ATP9B: variants seen among roughly 807,000 people sequenced by gnomAD.
ATP9B encodes the protein ATPase phospholipid transporting 9B, also known as probable phospholipid-transporting ATPase IIB.
ATP9B carries 110 observed loss-of-function variants against 146.1 expected under a neutral mutation model. The ratio of observed to expected loss-of-function variants is 0.75; its 90% CI spans 0.65 to 0.88. The LOEUF (loss-of-function observed/expected upper bound fraction) is 0.88. ATP9B is among the 40% of genes least tolerant of loss of function. The pLI is 0.00. For missense variants in ATP9B, 1,499 were observed against 1,496.4 expected, an observed-to-expected ratio of 1.00 and a Z score of -0.03; for synonymous variants, 604 against 569.7, an observed-to-expected ratio of 1.06 and a Z score of -0.86.
chr18:79,258,451 A>T (rs2096106679), intron 12 of ATP9B, among the ~76,000 whole-genome samples: 1 of 152,166 alleles, frequency 6.6e-6, no homozygotes, highest in South Asian at 2.1e-4. Flanking sequence ...TAATAATAAT[A>T]AGAGAAGAAG....
intron 15 of ATP9B, among the ~76,000 whole-genome samples, chr18:79,327,864 C>T (rs62096811): frequency 0.19 from 3,760 of 19,518 alleles, 1,579 homozygotes; most frequent in East Asian, 0.86. Context: ...CCATGGTTAG[C>T]GTGCTCTCCA....
intron 13 of ATP9B, among the ~76,000 whole-genome samples, chr18:79,302,375 C>A (rs2096596403): frequency 6.7e-6 from 1 of 150,178 alleles, no homozygotes; most frequent in Non-Finnish European, 1.5e-5. Flanking sequence ...CGTGGCACCA[C>A]GTTGTGAAAT....
chr18:79,109,831 G>T (rs1440141830), intron 2 of ATP9B, among the ~76,000 whole-genome samples: 2 of 152,096 alleles, frequency 1.3e-5, no homozygotes, highest in African/African-American at 4.8e-5. Flanking sequence ...CTCCCAAAGT[G>T]CTGGGATTAC....
intron 11 of ATP9B, among the ~76,000 whole-genome samples, chr18:79,220,626 A>T (rs1273810055): frequency 6.6e-6 from 1 of 152,206 alleles, no homozygotes; most frequent in East Asian, 1.9e-4. Context: ...ATTAATTAAA[A>T]AAAATACAGC....
intron 15 of ATP9B, among the ~76,000 whole-genome samples, chr18:79,325,528 A>T (rs1423076819): frequency 6.6e-6 from 1 of 152,232 alleles, no homozygotes; most frequent in African/African-American, 2.4e-5. Flanking sequence ...ATCCTAAAAC[A>T]GTTGGCCTGT....
At chr18:79,096,799 C>G in intron 2 of ATP9B, 150 bp downstream of exon 2, 1 of 681,698 alleles carries the variant, frequency 1.5e-6, no homozygotes, top group Non-Finnish European at 2.3e-6. Context: ...TTAATCAAAG[C>G]CAAACAATGC....
intron 11 of ATP9B, among the ~76,000 whole-genome samples, chr18:79,237,253 C>T (rs1315200182): frequency 2.2e-5 from 3 of 134,800 alleles, no homozygotes; most frequent in East Asian, 2.4e-4. Flanking sequence ...GGTCCGTGCA[C>T]GAGTCAGTGT....
chr18:79,323,333 A>G (rs2096726514), intron 15 of ATP9B, among the ~76,000 whole-genome samples: 1 of 152,184 alleles, frequency 6.6e-6, no homozygotes, highest in Non-Finnish European at 1.5e-5. Flanking sequence ...TACATAAATT[A>G]TTGTCAGTGA....
intron 2 of ATP9B, among the ~76,000 whole-genome samples, chr18:79,106,897 G>A (rs778660891): frequency 2.0e-5 from 3 of 152,126 alleles, no homozygotes; most frequent in Non-Finnish European, 4.4e-5. Flanking sequence ...TGCAGACAGT[G>A]GTCTTGCGTT....
At chr18:79,301,053 A>T (rs551126773) in intron 13 of ATP9B, among the ~76,000 whole-genome samples, 7 of 152,312 alleles carry the variant, frequency 4.6e-5, no homozygotes, top group African/African-American at 1.7e-4. Flanking sequence ...TTGTTAAATA[A>T]TTTTTCAGAG....
At chr18:79,263,504 T>C (rs751354844) in intron 12 of ATP9B, among the ~76,000 whole-genome samples, 1 of 152,256 alleles carries the variant, frequency 6.6e-6, no homozygotes, top group Non-Finnish European at 1.5e-5. Flanking sequence ...GGGTCAGCTG[T>C]GAATTAGTTT....
intron 28 of ATP9B, among the ~76,000 whole-genome samples, chr18:79,374,671 T>C (rs757593483): frequency 6.6e-6 from 1 of 152,264 alleles, no homozygotes; most frequent in Non-Finnish European, 1.5e-5. Context: ...AGTGCCTGAG[T>C]GTCCATGCAG....
chr18:79,127,461 C>T (rs2094306274), intron 5 of ATP9B, among the ~76,000 whole-genome samples: 1 of 152,172 alleles, frequency 6.6e-6, no homozygotes, highest in African/African-American at 2.4e-5. Flanking sequence ...TGGAATTATG[C>T]AATGTGTGGT....
chr18:79,071,667 G>A (rs1009747926), intron 1 of ATP9B, among the ~76,000 whole-genome samples: 9 of 152,098 alleles, frequency 5.9e-5, no homozygotes, highest in African/African-American at 2.2e-4. Flanking sequence ...ATGGCTGCTA[G>A]CCTGCCATTC....
chr18:79,343,752 G>A (rs756720157), intron 20 of ATP9B: 18 of 173,460 alleles, frequency 1.0e-4, no homozygotes, highest in Non-Finnish European at 1.8e-4. Context: ...TGCAAGCCTC[G>A]TTCTGCAGAG....
At chr18:79,368,845 C>T (rs2097051366) in intron 26 of ATP9B, among the ~76,000 whole-genome samples, 2 of 151,896 alleles carry the variant, frequency 1.3e-5, no homozygotes, top group African/African-American at 4.8e-5. Flanking sequence ...ACGTCTCTAC[C>T]CTCAGCAGAG....
rs868113048 is a variant in ATP9B at position 79,347,411 on chromosome 18, C to A, written c.2683-359C>A. Among the ~76,000 whole-genome samples, 4 of 150,306 alleles carry A rather than the reference C, an allele frequency of 2.7e-5. No homozygotes were observed. In the South Asian group the frequency reaches 8.3e-4, roughly 31 times the overall value. On this transcript the variant is annotated intron_variant, in intron 23 of 29. Coordinates refer to ENST00000426216, the MANE Select transcript of ATP9B (RefSeq NM_198531.5). ...AGGGGTGTCCTCCCACAGGGCTGGCCCATGTCAGATCATAGGGGTGTCTTC... is the reference window on the plus strand; with the variant it reads ...AGGGGTGTCCTCCCACAGGGCTGGCACATGTCAGATCATAGGGGTGTCTTC...
chr18:79,304,141 A>C (rs1459174398), intron 14 of ATP9B, among the ~76,000 whole-genome samples: 1 of 151,804 alleles, frequency 6.6e-6, no homozygotes, highest in Non-Finnish European at 1.5e-5. Context: ...CGTGTTGGGA[A>C]TCTCGTATCT....
chr18:79,313,026 A>AGC (rs1376621119), intron 15 of ATP9B, among the ~76,000 whole-genome samples: 1 of 152,180 alleles, frequency 6.6e-6, no homozygotes, highest in Non-Finnish European at 1.5e-5. Context: ...ACTCCCTGTC[A>AGC]GCGCGCTGTT....
Sources: allele counts gnomAD v4.1 joint callset (sites outside exome capture counted in the v4.1 genomes callset), GRCh38; gene constraint gnomAD v4.1.1; transcripts MANE v1.5; gene names NCBI Gene and HGNC (gene_info 2026-07-23, HGNC 2026-07-21).